Variants in SYT1 observed in about 807,000 individuals in gnomAD.
SYT1 encodes the protein synaptotagmin 1.
In SYT1, 8 loss-of-function variants were observed where a neutral mutation model predicts 44.8. The observed-to-expected ratio is 0.18, with a 90% confidence interval of 0.10 to 0.32. The LOEUF is 0.32. Among genes scored for constraint, SYT1 ranks in the 10% least tolerant of loss-of-function variants. SYT1 has a pLI of 1.00. For synonymous variants in SYT1, 154 were observed against 188.8 expected, an observed-to-expected ratio of 0.82 and a Z score of 1.51; for missense variants, 286 against 509.3, an observed-to-expected ratio of 0.56 and a Z score of 4.22.
At chr12:79,382,157 C>T (rs1884250127) in intron 9 of SYT1, among the ~76,000 whole-genome samples, 1 of 152,114 alleles carries the variant, frequency 6.6e-6, no homozygotes. Context: ...CTCAGTCGTG[C>T]GAGTCTGTTG....
chr12:79,324,369 C>T (rs1317008154), intron 8 of SYT1, among the ~76,000 whole-genome samples: 2 of 152,144 alleles, frequency 1.3e-5, no homozygotes, highest in African/African-American at 2.4e-5. Context: ...GAAGAACAGA[C>T]TTACATTAAG....
chr12:79,137,279 A>T (rs1178191831), intron 3 of SYT1, among the ~76,000 whole-genome samples: 2 of 152,048 alleles, frequency 1.3e-5, no homozygotes, highest in African/African-American at 4.8e-5. Context: ...CATTTTTAAT[A>T]GAGACAGGGT....
chr12:79,120,436 A>G (rs889398514), intron 3 of SYT1, among the ~76,000 whole-genome samples: 1 of 152,138 alleles, frequency 6.6e-6, no homozygotes, highest in Non-Finnish European at 1.5e-5. Context: ...AAAAAAATAT[A>G]TAAAAATGCA....
At chr12:79,021,285 G>A (rs140154998) in intron 2 of SYT1, among the ~76,000 whole-genome samples, 1 of 151,936 alleles carries the variant, frequency 6.6e-6, no homozygotes, top group African/African-American at 2.4e-5. Flanking sequence ...AAAAGAAATG[G>A]AGCTAAAGCA....
chr12:78,911,793 T>C (rs1190199830), intron 1 of SYT1, among the ~76,000 whole-genome samples: 2 of 151,932 alleles, frequency 1.3e-5, no homozygotes, highest in Non-Finnish European at 2.9e-5. Flanking sequence ...GAGACTTAAA[T>C]GCTGGGGAAA....
At chr12:79,125,086 T>A (rs1480011550) in intron 3 of SYT1, among the ~76,000 whole-genome samples, 1 of 152,048 alleles carries the variant, frequency 6.6e-6, no homozygotes, top group Non-Finnish European at 1.5e-5. Context: ...AACATATGCA[T>A]CCTTGCGTCT....
At chr12:79,055,200 T>C (rs544976830) in intron 3 of SYT1, among the ~76,000 whole-genome samples, 1 of 152,144 alleles carries the variant, frequency 6.6e-6, no homozygotes, top group East Asian at 1.9e-4. Flanking sequence ...TTGTAGTTAC[T>C]GTATTCAAGT....
intron 3 of SYT1, among the ~76,000 whole-genome samples, chr12:79,122,883 A>C (rs947759073): frequency 6.6e-6 from 1 of 152,156 alleles, no homozygotes; most frequent in Non-Finnish European, 1.5e-5. Context: ...AACTTGCTCT[A>C]TTTTTTATAT....
At chr12:78,920,535 C>A (rs1876923795) in intron 1 of SYT1, among the ~76,000 whole-genome samples, 1 of 149,370 alleles carries the variant, frequency 6.7e-6, no homozygotes, top group Admixed American at 6.8e-5. Context: ...CTTCTTTTAC[C>A]CACTTAGGTG....
chr12:79,008,178 G>A (rs1022850181), intron 2 of SYT1, among the ~76,000 whole-genome samples: 1 of 152,000 alleles, frequency 6.6e-6, no homozygotes, highest in Non-Finnish European at 1.5e-5. Flanking sequence ...CCTCTTAGTT[G>A]AAACCTAAAG....
chr12:79,094,758 T>C (rs949526972), intron 3 of SYT1, among the ~76,000 whole-genome samples: 11 of 151,910 alleles, frequency 7.2e-5, no homozygotes, highest in African/African-American at 2.7e-4. Flanking sequence ...AAGAAATTCT[T>C]ATTATGCTCT....
chr12:79,241,753 C>A (rs915044565), intron 4 of SYT1, among the ~76,000 whole-genome samples: 3 of 152,194 alleles, frequency 2.0e-5, no homozygotes, highest in African/African-American at 7.2e-5. Flanking sequence ...GTGCCCCATA[C>A]TGTATGTTCA....
At chr12:79,350,064 A>G (rs1418301459) in intron 8 of SYT1, among the ~76,000 whole-genome samples, 1 of 152,056 alleles carries the variant, frequency 6.6e-6, no homozygotes, top group Non-Finnish European at 1.5e-5. Flanking sequence ...TCGTACTGGC[A>G]TGAGTCTTTA....
chr12:79,094,394 A>G (rs1877985169), intron 3 of SYT1, among the ~76,000 whole-genome samples: 1 of 151,910 alleles, frequency 6.6e-6, no homozygotes, highest in South Asian at 2.1e-4. Flanking sequence ...AAAGTATTTA[A>G]TTCATAAGAA....
intron 8 of SYT1, among the ~76,000 whole-genome samples, chr12:79,324,013 C>G (rs1881492016): frequency 6.9e-6 from 1 of 145,104 alleles, no homozygotes; most frequent in South Asian, 2.2e-4. Flanking sequence ...TGCAGTGGCG[C>G]AATCTCAGCT....
chr12:79,169,098 T>G (rs1307901816), intron 3 of SYT1, among the ~76,000 whole-genome samples: 2 of 152,066 alleles, frequency 1.3e-5, no homozygotes, highest in Non-Finnish European at 2.9e-5. Flanking sequence ...GCAGGAAGTC[T>G]GTGATTTTCT....
chr12:79,416,996 A>T (rs988197974), intron 9 of SYT1, among the ~76,000 whole-genome samples: 11 of 152,136 alleles, frequency 7.2e-5, no homozygotes, highest in Non-Finnish European at 1.6e-4. Flanking sequence ...CTTCTTCAAG[A>T]TTCCTATAAT....
chr12:79,290,983 C>A (rs1359427455), intron 5 of SYT1, among the ~76,000 whole-genome samples: 1 of 151,946 alleles, frequency 6.6e-6, no homozygotes, highest in African/African-American at 2.4e-5. Flanking sequence ...ATTAATTATT[C>A]TAATTACTTA....
intron 9 of SYT1, among the ~76,000 whole-genome samples, chr12:79,390,252 A>G (rs966087043): frequency 7.9e-5 from 12 of 152,188 alleles, no homozygotes; most frequent in African/African-American, 2.9e-4. Context: ...TCTTTATTAT[A>G]TACTGTGCTG....
Sources: allele counts gnomAD v4.1 joint callset (sites outside exome capture counted in the v4.1 genomes callset), GRCh38; gene constraint gnomAD v4.1.1; transcripts MANE v1.5; gene names NCBI Gene and HGNC (gene_info 2026-07-23, HGNC 2026-07-21).